Variants in SANBR observed in about 807,000 individuals in gnomAD.
The protein encoded by SANBR is SANT and BTB domain regulator of CSR.
In SANBR, 77 loss-of-function variants were observed where a neutral mutation model predicts 101.8. The ratio of observed to expected loss-of-function variants is 0.76; its 90% CI spans 0.63 to 0.91. The LOEUF (loss-of-function observed/expected upper bound fraction) is 0.91, where lower values mean the gene tolerates loss of function less well. Among genes scored for constraint, SANBR ranks in the 40% least tolerant of loss-of-function variants. The pLI is 0.00. For missense variants in SANBR, 875 were observed against 853.0 expected (o/e 1.03, Z -0.32); for synonymous variants, 279 against 274.7 (o/e 1.02, Z -0.15).
chr2:61,119,638 A>G (rs1174661157), intron 20 of SANBR, among the ~76,000 whole-genome samples: 1 of 152,178 alleles, frequency 6.6e-6, no homozygotes, highest in Non-Finnish European at 1.5e-5. Flanking sequence ...ATACAACATC[A>G]TTAGTCCTTA....
In SANBR at chr2:61,088,473, C is replaced by T. The variant is rs557992893; in HGVS notation, c.1088+5C>T. On this transcript the variant is annotated splice_donor_5th_base_variant and intron_variant, in intron 10 of 21. Coordinates refer to ENST00000402291, the MANE Select transcript of SANBR (RefSeq NM_001129993.3). ...TATTGTCTATATTCACATAAGGTGT[C>T]GTGAAGATAAAATACATACATGTAT... The T allele has an allele frequency of 1.2e-5, 18 of 1,565,018 alleles. No individual in the cohort carries two copies. The highest frequency in any genetic ancestry group is 4.5e-5 in the East Asian group (2 of 43,990).
At chr2:61,128,773 C>T (rs1684591674), downstream of SANBR, among the ~76,000 whole-genome samples, 1 of 152,078 alleles carries the variant, frequency 6.6e-6, no homozygotes, top group Non-Finnish European at 1.5e-5. Context: ...AGATTACTAG[C>T]GTGAGCCACC....
At chr2:61,134,264 T>C (rs1361068568) in exon 21 of SANBR, 3 of 1,565,470 alleles carry the variant, frequency 1.9e-6, no homozygotes, top group African/African-American at 2.7e-5. Context: ...CTTGGAATAC[T>C]GCTTGACATA....
At chr2:61,070,711 GTATA>G (rs1375131663) in intron 3 of SANBR, among the ~76,000 whole-genome samples, 1 of 144,804 alleles carries the variant, frequency 6.9e-6, no homozygotes, top group Non-Finnish European at 1.5e-5. Context: ...ATTATATATA[GTATA>G]TATATTTATA....
At chr2:61,104,895 C>T (rs1683480820) in intron 13 of SANBR, among the ~76,000 whole-genome samples, 1 of 148,654 alleles carries the variant, frequency 6.7e-6, no homozygotes, top group African/African-American at 2.5e-5. Flanking sequence ...ATGGTGAAAC[C>T]CCATGATCAT....
At chr2:61,094,638 C>CTTTTTTT (rs35061669) in intron 11 of SANBR, among the ~76,000 whole-genome samples, 29 of 78,980 alleles carry the variant, frequency 3.7e-4, no homozygotes, top group African/African-American at 6.6e-4. Flanking sequence ...TATTTCTCTT[C>CTTTTTTT]TTTTTTTTTT....
At position 61,118,095 on chromosome 2, in the gene SANBR, C is replaced by T. The variant is rs1439015915; in HGVS notation, c.2007C>T (p.Val669=). 7 of 1,612,874 alleles carry T rather than the reference C, an allele frequency of 4.3e-6. No homozygotes were observed. The Admixed American group carries it at 1.2e-4, about 27-fold the overall frequency. The change falls in exon 20 of 22, where the codon GTC becomes GTT. Residue 669 remains valine, a synonymous_variant. Transcript: ENST00000402291. ...TGAGATTGGGGGATCTGGACCGAGTCAAGTCAAAGGAAGCAAAAGAAGTAA... is the reference window on the plus strand; with the variant it reads ...TGAGATTGGGGGATCTGGACCGAGTTAAGTCAAAGGAAGCAAAAGAAGTAA... ...IKMRLGDLDR[V]KSKEAKEFAG...
chr2:61,111,420 C>G (rs1475183101), intron 16 of SANBR, among the ~76,000 whole-genome samples: 1 of 152,060 alleles, frequency 6.6e-6, no homozygotes, highest in Admixed American at 6.6e-5. Flanking sequence ...AAACATGCTG[C>G]CTTCCCTTTA....
chr2:61,120,364 G>A (rs949106409), intron 20 of SANBR, among the ~76,000 whole-genome samples: 3 of 152,314 alleles, frequency 2.0e-5, no homozygotes, highest in African/African-American at 7.2e-5. Context: ...GCTGGGCGTG[G>A]TGGTGCAGGC....
chr2:61,080,925 C>T (rs1407750808), intron 6 of SANBR, among the ~76,000 whole-genome samples: 2 of 152,050 alleles, frequency 1.3e-5, no homozygotes, highest in Admixed American at 1.3e-4. Flanking sequence ...CAGCATCAGG[C>T]GGCATCCCCC....
intron 4 of SANBR, among the ~76,000 whole-genome samples, chr2:61,072,709 A>ATT (rs879590005): frequency 7.1e-6 from 1 of 141,758 alleles, no homozygotes; most frequent in South Asian, 2.2e-4. Flanking sequence ...AATTTCATGT[A>ATT]TTTTTTTTTT....
At chr2:61,126,879 G>A (rs13415213), downstream of SANBR, among the ~76,000 whole-genome samples, 3,244 of 151,688 alleles carry the variant, frequency 0.021, 129 homozygotes, top group African/African-American at 0.074. Flanking sequence ...CTGGAATATA[G>A]TAAGTCATTC....
chr2:61,093,138 TAAAATAAAATAAAATATA>T (rs1206001329), intron 11 of SANBR: 1 of 151,548 alleles, frequency 6.6e-6, no homozygotes, highest in East Asian at 2.0e-4. Context: ...ATCTCAAAAA[TAAAATAAAATAAAATATA>T]AAAATAAAAT....
At chr2:61,114,812 T>C (rs2104956884) in intron 16 of SANBR, among the ~76,000 whole-genome samples, 1 of 152,240 alleles carries the variant, frequency 6.6e-6, no homozygotes, top group East Asian at 1.9e-4. Flanking sequence ...TGCACCACCA[T>C]GCCCAGCTAA....
rs952301510 is a variant in SANBR at position 61,122,176 on chromosome 2, A to G, written c.*14A>G. Reference sequence around the variant, plus strand: ...CGTCCTGCATAAAGTACCTTAAAATATAAGTAAAAAGAGAGAAGGCACTCT... The same window carrying G: ...CGTCCTGCATAAAGTACCTTAAAATGTAAGTAAAAAGAGAGAAGGCACTCT... On this transcript the variant is annotated 3_prime_UTR_variant, in exon 22 of 22. Coordinates refer to ENST00000402291, the MANE Select transcript of SANBR (RefSeq NM_001129993.3). The G allele has an allele frequency of 2.6e-6, 4 of 1,548,902 alleles. No homozygotes were observed. The highest frequency in any genetic ancestry group is 2.6e-6 in the Non-Finnish European group (3 of 1,145,352).
chr2:61,122,634 T>C lies in SANBR; in HGVS notation c.*472T>C. 3.0e-6 allele frequency: 3 copies of C among 987,056 alleles called. No individual in the cohort carries two copies. The highest frequency in any genetic ancestry group is 3.6e-6 in the Non-Finnish European group (3 of 830,984). 61.1% of individuals were successfully genotyped at this position (987,056 alleles called of 1,614,324 possible). A position where few individuals can be genotyped will look rare whatever the true frequency, so the allele number is the denominator to read the frequency against. Reference sequence around the variant, plus strand: ...GTGACGAAATTCCCAATGATGCTAATTTTAAGTCTGCATGAATATTAAGGA... The same window carrying C: ...GTGACGAAATTCCCAATGATGCTAACTTTAAGTCTGCATGAATATTAAGGA... On this transcript the variant is annotated 3_prime_UTR_variant, in exon 22 of 22. Transcript: ENST00000402291.
At chr2:61,120,449 A>G (rs1319429229) in intron 20 of SANBR, among the ~76,000 whole-genome samples, 2 of 152,202 alleles carry the variant, frequency 1.3e-5, no homozygotes, top group Non-Finnish European at 2.9e-5. Context: ...GCAGTGAGCC[A>G]AGATCGTGCC....
intron 5 of SANBR, among the ~76,000 whole-genome samples, chr2:61,074,286 T>C (rs1005072673): frequency 6.6e-6 from 1 of 152,248 alleles, no homozygotes; most frequent in Non-Finnish European, 1.5e-5. Flanking sequence ...TGAATATACT[T>C]AATGCCACTG....
chr2:61,102,084 C>G (rs1393213378), intron 12 of SANBR, among the ~76,000 whole-genome samples: 1 of 151,058 alleles, frequency 6.6e-6, no homozygotes, highest in Non-Finnish European at 1.5e-5. Context: ...ATATGTTGCT[C>G]ATATCCCGAC....
Sources: allele counts gnomAD v4.1 joint callset (sites outside exome capture counted in the v4.1 genomes callset), GRCh38; gene constraint gnomAD v4.1.1; transcripts MANE v1.5; gene names NCBI Gene and HGNC (gene_info 2026-07-23, HGNC 2026-07-21).